Variants in ADAMTS16 observed in about 807,000 individuals in gnomAD.
ADAMTS16 encodes ADAM metallopeptidase with thrombospondin type 1 motif 16, also known as A disintegrin and metalloproteinase with thrombospondin motifs 16.
ADAMTS16 carries 94 observed loss-of-function variants against 145.8 expected under a neutral mutation model. That is an observed-to-expected ratio of 0.64 (90% CI 0.55 to 0.77). The LOEUF (loss-of-function observed/expected upper bound fraction) is 0.77, where lower values mean the gene tolerates loss of function less well. Ranked by LOEUF, ADAMTS16 falls within the 30% of genes least tolerant of loss-of-function variation. The pLI is 0.00. For synonymous variants in ADAMTS16, 659 were observed against 604.3 expected, an observed-to-expected ratio of 1.09 and a Z score of -1.33; for missense variants, 1,585 against 1,591.5, an observed-to-expected ratio of 1.00 and a Z score of 0.07.
Position 5,232,352 on chromosome 5 carries a change from A to T in ADAMTS16, c.1702-16A>T, listed in dbSNP as rs779306005. Reference sequence around the variant, plus strand: ...CTGTGTGAGTCAAGTCAACTTATTTATGTTGAAAATTTTAGTGGTGCCGGG... The same window carrying T: ...CTGTGTGAGTCAAGTCAACTTATTTTTGTTGAAAATTTTAGTGGTGCCGGG... On this transcript the variant is annotated splice_polypyrimidine_tract_variant and intron_variant, in intron 11 of 22. Transcript: ENST00000274181. The T allele has an allele frequency of 3.7e-6, 6 of 1,613,768 alleles. No homozygotes were observed. In the African/African-American group the frequency reaches 6.7e-5, roughly 18 times the overall value.
chr5:5,182,158 A>G lies in ADAMTS16; in HGVS notation c.616A>G (p.Lys206Glu), dbSNP rs545801346. 3.1e-6 allele frequency: 5 copies of G among 1,614,176 alleles called. No individual in the cohort carries two copies. In the African/African-American group the frequency reaches 6.7e-5, roughly 22 times the overall value. Residue 206 changes from lysine to glutamate, a missense_variant, in exon 4 of 23, where the codon AAG becomes GAG. By Grantham distance (56) the Lys-to-Glu change is moderately conservative (BLOSUM62 1). Coordinates refer to ENST00000274181, the MANE Select transcript of ADAMTS16 (RefSeq NM_139056.4). ...CAGCTCGCCATCCCACGTACTGTAC[A>G]AGAGATCCACAGAGCCCCATGCTCC... ...QGSSPSHVLY[K>E]RSTEPHAPGA...
At chr5:5,165,596 G>A (rs1450688483) in intron 3 of ADAMTS16, among the ~76,000 whole-genome samples, 2 of 152,268 alleles carry the variant, frequency 1.3e-5, no homozygotes, top group African/African-American at 4.8e-5. Context: ...GTGAGAGACT[G>A]GATATCAACA....
chr5:5,183,271 C>T (rs945764110), intron 4 of ADAMTS16, among the ~76,000 whole-genome samples: 3 of 152,118 alleles, frequency 2.0e-5, no homozygotes, highest in Non-Finnish European at 2.9e-5. Context: ...TGAGAACAAA[C>T]GGAGGTGAGC....
intron 10 of ADAMTS16, among the ~76,000 whole-genome samples, chr5:5,213,203 A>G (rs141102140): frequency 4.8e-4 from 73 of 152,306 alleles, no homozygotes; most frequent in Non-Finnish European, 9.4e-4. Context: ...ACCATCTTTT[A>G]TATTTATTGT....
In ADAMTS16 at chr5:5,320,090, T is replaced by TC. The variant is rs1734226214; in HGVS notation, c.*952_*953insC. On this transcript the variant is annotated 3_prime_UTR_variant, in exon 23 of 23. Coordinates refer to ENST00000274181, the MANE Select transcript of ADAMTS16 (RefSeq NM_139056.4). The surrounding 1 kb of genome is among the most constrained non-coding windows in gnomAD (Gnocchi z 5.1). ...TGTGTGTTGTGAGATTTTAATCTTT[T>TC]TTTTTTCGGTGAGTCTGGCCATTTC... 1 of 355,840 alleles carries TC rather than the reference T, an allele frequency of 2.8e-6. No homozygotes were observed. The highest frequency in any genetic ancestry group is 4.5e-5 in the Admixed American group (1 of 22,278). The allele number at this position is 355,840 out of a possible 1,614,324, so 22.0% of individuals were successfully genotyped here. A position where few individuals can be genotyped will look rare whatever the true frequency, so the allele number is the denominator to read the frequency against.
rs115403498 is a variant in ADAMTS16, at chr5:5,167,368, G to C, written c.502-14676G>C. 8.3e-3 allele frequency among the ~76,000 whole-genome samples: 1,258 copies of C among 152,310 alleles called. 7 individuals are homozygous for C. The highest frequency in any genetic ancestry group is 0.012 in the Non-Finnish European group (789 of 68,022). On this transcript the variant is annotated intron_variant, in intron 3 of 22. Coordinates refer to ENST00000274181, the MANE Select transcript of ADAMTS16 (RefSeq NM_139056.4). The stretch of plus-strand genomic sequence containing the variant: ...TGGAATGAGATTCATGTCTAAAGGT[G>C]ACATAGGGTATCTTATGTCCCAGGA...
intron 10 of ADAMTS16, among the ~76,000 whole-genome samples, chr5:5,215,061 T>C (rs1480347718): frequency 2.6e-5 from 4 of 152,158 alleles, no homozygotes; most frequent in African/African-American, 9.7e-5. Context: ...GGATGATATT[T>C]TAGGAAGGGA....
chr5:5,185,949 C>T (rs1735483233), intron 4 of ADAMTS16, 103 bp from the exon 5 acceptor site: 1 of 921,920 alleles, frequency 1.1e-6, no homozygotes, highest in Non-Finnish European at 1.7e-6. Context: ...TGGTTTTTAT[C>T]ATGAGTGTTC....
Position 5,186,208 on chromosome 5 carries a change from G to T in ADAMTS16, c.920G>T (p.Gly307Val), listed in dbSNP as rs754061151. ...VVDKKMMQNH[G>V]HENITTYVLT... ...GACAAAAAGATGATGCAAAACCATG[G>T]CCATGAAAATATCACCACCTACGTG... Residue 307 changes from glycine (G) to valine (V), a missense_variant, in exon 5 of 23, where the codon GGC becomes GTC. By Grantham distance (109) the Gly-to-Val change is moderately radical. Transcript: ENST00000274181. The T allele has an allele frequency of 6.2e-7, 1 of 1,613,860 alleles. No homozygotes were observed. The highest frequency in any genetic ancestry group is 1.7e-5 in the Admixed American group (1 of 60,010).
rs1273571810 is a variant in ADAMTS16, at chr5:5,185,632, CT to C, written c.764-418del. ...TAAACATTGTCAAGTCGTTAAAAGT[CT>C]TCAAGCAGGAAAACAATGCAAGCCA... On this transcript the variant is annotated intron_variant, in intron 4 of 22. Transcript: ENST00000274181. 3.9e-5 allele frequency among the ~76,000 whole-genome samples: 6 copies of C among 152,180 alleles called. 1 individual carries two copies.
chr5:5,151,859 C>T (rs1734472289), intron 3 of ADAMTS16, among the ~76,000 whole-genome samples: 1 of 152,078 alleles, frequency 6.6e-6, no homozygotes, highest in African/African-American at 2.4e-5. Context: ...TAACAGTAAG[C>T]TTGTATTCTT....
chr5:5,249,953 A>T (rs1168823646), intron 17 of ADAMTS16, among the ~76,000 whole-genome samples: 1 of 152,084 alleles, frequency 6.6e-6, no homozygotes, highest in Non-Finnish European at 1.5e-5. Context: ...TCCCCAGCCA[A>T]ACTCCTCTCC....
At chr5:5,302,686 A>G (rs1311374978) in intron 18 of ADAMTS16, among the ~76,000 whole-genome samples, 2 of 151,232 alleles carry the variant, frequency 1.3e-5, no homozygotes, top group Non-Finnish European at 2.9e-5. Flanking sequence ...AGGATCCTCA[A>G]ACAAACATAT....
At chr5:5,184,115 A>T (rs1351579382) in intron 4 of ADAMTS16, among the ~76,000 whole-genome samples, 1 of 152,142 alleles carries the variant, frequency 6.6e-6, no homozygotes, top group Non-Finnish European at 1.5e-5. Flanking sequence ...GAGCAGAATC[A>T]ACAGCGCTGC....
intron 17 of ADAMTS16, among the ~76,000 whole-genome samples, chr5:5,252,167 A>G (rs1737650666): frequency 6.6e-6 from 1 of 152,108 alleles, no homozygotes; most frequent in South Asian, 2.1e-4. Context: ...TTTTAATACT[A>G]CATCCCCGTG....
chr5:5,242,089 G>A lies in ADAMTS16; in HGVS notation c.2560G>A (p.Glu854Lys). Reference sequence around the variant, plus strand: ...GGGAAGGAACCCGGGTGTTGCCTGGGAATACTCCATGCCTCGCTTGGGGAC... The same window carrying A: ...GGGAAGGAACCCGGGTGTTGCCTGGAAATACTCCATGCCTCGCTTGGGGAC... ...FQGRNPGVAW[E>K]YSMPRLGTEK... The change falls in exon 17 of 23, where the codon GAA becomes AAA. Residue 854 changes from glutamate (E) to lysine (K), a missense_variant. Physicochemically the swap from Glu to Lys is moderately conservative, Grantham distance 56 (BLOSUM62 1). Around this residue, in one of 3 missense-constraint regions of ADAMTS16, gnomAD observed 834 missense variants for 811.7 expected, o/e 1.03. Transcript: ENST00000274181. The A allele has an allele frequency of 6.2e-7, 1 of 1,614,174 alleles. No individual in the cohort carries two copies. Among genetic ancestry groups the A allele is most frequent in the Non-Finnish European group, 8.5e-7 (1 of 1,180,016 alleles).
Position 5,193,294 on chromosome 5 carries a change from A to G in ADAMTS16, c.1313+1504A>G, listed in dbSNP as rs369563963. 7.7e-4 allele frequency among the ~76,000 whole-genome samples: 118 copies of G among 152,318 alleles called. 1 individual carries two copies. The highest frequency in any genetic ancestry group is 2.7e-3 in the African/African-American group (113 of 41,566). On this transcript the variant is annotated intron_variant, in intron 8 of 22. Transcript: ENST00000274181. ...GATGACCTGAAAAATGAAGCTTCAT[A>G]TCTTATTACTGATCCCTTCATCACC...
intron 18 of ADAMTS16, among the ~76,000 whole-genome samples, chr5:5,280,117 A>G (rs1389658617): frequency 1.3e-5 from 2 of 151,706 alleles, no homozygotes; most frequent in Admixed American, 1.3e-4. Context: ...GTGTGTGTTG[A>G]TATCTTCCAT....
At chr5:5,178,185 C>T (rs1301826629) in intron 3 of ADAMTS16, among the ~76,000 whole-genome samples, 4 of 152,152 alleles carry the variant, frequency 2.6e-5, no homozygotes, top group East Asian at 1.9e-4. Context: ...CATATTCGTT[C>T]GTTTCTTATG....
Sources: allele counts gnomAD v4.1 joint callset (sites outside exome capture counted in the v4.1 genomes callset), GRCh38; gene constraint gnomAD v4.1.1; regional missense constraint gnomAD v4.1.1; non-coding constraint Gnocchi (gnomAD v3.1); transcripts MANE v1.5; gene names NCBI Gene and HGNC (gene_info 2026-07-23, HGNC 2026-07-21).